Variants in CSMD1 observed in about 807,000 individuals in gnomAD.
CSMD1 encodes the protein CUB and sushi domain-containing protein 1.
A neutral mutation model predicts 417.5 loss-of-function variants in CSMD1; 213 were observed. The ratio of observed to expected loss-of-function variants is 0.51; its 90% CI spans 0.46 to 0.57. The LOEUF (loss-of-function observed/expected upper bound fraction) is 0.57. CSMD1 is among the 20% of genes least tolerant of loss of function. CSMD1 has a pLI of 0.00. For synonymous variants in CSMD1, 2,862 were observed against 1,736.8 expected (o/e 1.65, Z -16.11); for missense variants, 6,923 against 4,529.7 (o/e 1.53, Z -15.17).
In CSMD1 at chr8:3,369,262, T is replaced by C. The variant is rs1157362726; in HGVS notation, c.2891A>G (p.His964Arg). 7 of 1,491,708 alleles carry C rather than the reference T, an allele frequency of 4.7e-6. No homozygotes were observed. In the Admixed American group the frequency reaches 1.0e-4, roughly 21 times the overall value. 92.4% of individuals were successfully genotyped at this position (1,491,708 alleles called of 1,614,324 possible). ...CTATGATAGATTCTTACCTTTCCCA[T>C]GAGACACTTCAATGGTCCACGTGCA... ...LNCTWTIEVS[H>R]GKGVQMIFHT... is the part of the protein sequence containing the mutation. Residue 964 changes from histidine to arginine, a missense_variant, in exon 19 of 70, where the codon CAT becomes CGT. By Grantham distance (29) the His-to-Arg change is conservative. Coordinates refer to ENST00000635120, the MANE Select transcript of CSMD1 (RefSeq NM_033225.6).
At chr8:3,428,699 G>C (rs78356575) in intron 12 of CSMD1, among the ~76,000 whole-genome samples, 1,751 of 152,220 alleles carry the variant, frequency 0.012, 39 homozygotes, top group African/African-American at 0.04. Flanking sequence ...CATCCTACTA[G>C]TGGGCATATA....
intron 5 of CSMD1, among the ~76,000 whole-genome samples, chr8:3,993,583 T>C (rs748072800): frequency 5.3e-5 from 8 of 152,210 alleles, no homozygotes; most frequent in Non-Finnish European, 8.8e-5. Flanking sequence ...GTTACAAAAC[T>C]GTCACCCCAG....
At chr8:4,261,930 G>A (rs1176437569) in intron 3 of CSMD1, among the ~76,000 whole-genome samples, 2 of 152,102 alleles carry the variant, frequency 1.3e-5, no homozygotes, top group African/African-American at 4.8e-5. Flanking sequence ...ATGCATGAAT[G>A]ATATGGCAAT....
At chr8:4,191,421 C>G (rs1377747192) in intron 3 of CSMD1, among the ~76,000 whole-genome samples, 4 of 151,782 alleles carry the variant, frequency 2.6e-5, no homozygotes, top group East Asian at 1.9e-4. Flanking sequence ...CAAAACAAAA[C>G]AAAACAAAAA....
At chr8:3,689,457 C>A (rs941890982) in intron 7 of CSMD1, among the ~76,000 whole-genome samples, 1 of 152,158 alleles carries the variant, frequency 6.6e-6, no homozygotes. Context: ...TATGGATAGA[C>A]GTAGAAAGAT....
chr8:3,415,191 G>T (rs896097825), intron 12 of CSMD1, among the ~76,000 whole-genome samples: 1 of 152,076 alleles, frequency 6.6e-6, no homozygotes, highest in Admixed American at 6.5e-5. Context: ...TGAAATATGT[G>T]TACGTATCAT....
chr8:4,152,397 G>C (rs953234198), intron 3 of CSMD1, among the ~76,000 whole-genome samples: 3 of 152,084 alleles, frequency 2.0e-5, no homozygotes, highest in African/African-American at 7.2e-5. Flanking sequence ...CCCTTACTTA[G>C]GCCAGGCACA....
intron 10 of CSMD1, among the ~76,000 whole-genome samples, chr8:3,528,850 C>G (rs955602088): frequency 3.3e-5 from 5 of 152,172 alleles, no homozygotes; most frequent in African/African-American, 1.2e-4. Context: ...AGAATGCCAA[C>G]TAAATGAGTT....
rs75625237 is a variant in CSMD1 at position 3,513,127 on chromosome 8, A to G, written c.1345-19401T>C. On this transcript the variant is annotated intron_variant, in intron 10 of 69. Transcript: ENST00000635120. ...GTGAATGCATTGAATTATTATTATT[A>G]TTTTTTTTTATATGCCTTTATGGAT... Among the ~76,000 whole-genome samples, 1,509 of 150,980 alleles carry G rather than the reference A, an allele frequency of 1.0e-2. 27 individuals are homozygous for G. Among genetic ancestry groups the G allele is most frequent in the African/African-American group, 0.035 (1,441 of 41,088 alleles).
intron 3 of CSMD1, among the ~76,000 whole-genome samples, chr8:4,080,568 A>C (rs1448892724): frequency 6.6e-6 from 1 of 152,192 alleles, no homozygotes; most frequent in African/African-American, 2.4e-5. Context: ...ATAAAACTGT[A>C]TTGCATATTT....
intron 10 of CSMD1, among the ~76,000 whole-genome samples, chr8:3,513,594 C>T (rs545644663): frequency 6.7e-4 from 102 of 152,158 alleles, no homozygotes; most frequent in Admixed American, 1.3e-3. Flanking sequence ...ACTAATCCTA[C>T]GCAATGCCCC....
chr8:4,198,487 A>C (rs1371669126), intron 3 of CSMD1, among the ~76,000 whole-genome samples: 3 of 152,120 alleles, frequency 2.0e-5, no homozygotes, highest in African/African-American at 7.2e-5. Flanking sequence ...AAATCACTAG[A>C]GGATGAGAAA....
At chr8:4,346,546 G>T (rs1008940049) in intron 3 of CSMD1, among the ~76,000 whole-genome samples, 1 of 152,096 alleles carries the variant, frequency 6.6e-6, no homozygotes, top group Non-Finnish European at 1.5e-5. Context: ...AAAACTTTCA[G>T]TCTTTGGGCT....
chr8:4,554,173 G>A, intron 2 of CSMD1, among the ~76,000 whole-genome samples: 1 of 152,126 alleles, frequency 6.6e-6, no homozygotes, highest in East Asian at 1.9e-4. Flanking sequence ...GTCTCGATCT[G>A]TCGCCCAGGC....
chr8:4,428,229 A>G (rs1251546233), intron 2 of CSMD1, among the ~76,000 whole-genome samples: 4 of 152,202 alleles, frequency 2.6e-5, no homozygotes, highest in African/African-American at 9.7e-5. Context: ...CACACATTCT[A>G]AACACAAGAC....
intron 3 of CSMD1, among the ~76,000 whole-genome samples, chr8:4,163,866 C>A (rs138325540): frequency 1.3e-5 from 2 of 152,228 alleles, no homozygotes; most frequent in East Asian, 1.9e-4. Flanking sequence ...AAATACCATG[C>A]CATGAAAAGA....
chr8:4,031,831 A>G lies in CSMD1; in HGVS notation c.610+74T>C, dbSNP rs1797362012. The G allele has an allele frequency of 2.6e-6, 3 of 1,156,288 alleles. No homozygotes were observed. The East Asian group carries it at 7.8e-5, about 30-fold the overall frequency. 71.6% of individuals were successfully genotyped at this position (1,156,288 alleles called of 1,614,324 possible). On this transcript the variant is annotated intron_variant, in intron 4 of 69. Coordinates refer to ENST00000635120, the MANE Select transcript of CSMD1 (RefSeq NM_033225.6). ...ATGTATTATTTTCATTTAAGTGGAA[A>G]CTTTCATAAAAGCATCTCCAAAACC...
chr8:3,551,138 C>A (rs576604074), intron 10 of CSMD1, among the ~76,000 whole-genome samples: 25 of 152,228 alleles, frequency 1.6e-4, no homozygotes, highest in African/African-American at 5.5e-4. Flanking sequence ...GTTTTCTTAT[C>A]TTTAAAAAGG....
At chr8:3,981,622 T>C (rs1022632614) in intron 5 of CSMD1, among the ~76,000 whole-genome samples, 13 of 152,130 alleles carry the variant, frequency 8.5e-5, no homozygotes, top group African/African-American at 3.1e-4. Context: ...AGCAGTATTG[T>C]TCCCTTTGAG....
Sources: allele counts gnomAD v4.1 joint callset (sites outside exome capture counted in the v4.1 genomes callset), GRCh38; gene constraint gnomAD v4.1.1; transcripts MANE v1.5; gene names NCBI Gene and HGNC (gene_info 2026-07-23, HGNC 2026-07-21).